The following ASTN1 variants were observed in gnomAD, a reference collection of about 807,000 sequenced individuals.
ASTN1 encodes astrotactin 1.
A neutral mutation model predicts 140.7 loss-of-function variants in ASTN1; 41 were observed. That is an observed-to-expected ratio of 0.29 (90% CI 0.23 to 0.38). ASTN1 has a LOEUF of 0.38. ASTN1 is among the 10% of genes least tolerant of loss of function. The pLI is 1.00. For missense variants in ASTN1, 1,479 were observed against 1,678.8 expected, an observed-to-expected ratio of 0.88 and a Z score of 2.08; for synonymous variants, 640 against 652.2, an observed-to-expected ratio of 0.98 and a Z score of 0.29.
intron 1 of ASTN1, among the ~76,000 whole-genome samples, chr1:177,102,599 A>T (rs1228545324): frequency 1.3e-5 from 2 of 152,232 alleles, no homozygotes; most frequent in Admixed American, 6.5e-5. Flanking sequence ...AAAACAAAGT[A>T]AAATTAAAAA....
chr1:176,994,487 G>A (rs1674346436), intron 8 of ASTN1, among the ~76,000 whole-genome samples: 1 of 152,058 alleles, frequency 6.6e-6, no homozygotes, highest in South Asian at 2.1e-4. Flanking sequence ...GGAACTACAG[G>A]CTTGTGCCAC....
chr1:177,112,395 A>T (rs765612617), intron 1 of ASTN1, among the ~76,000 whole-genome samples: 9 of 152,130 alleles, frequency 5.9e-5, no homozygotes, highest in Non-Finnish European at 1.2e-4. Flanking sequence ...TTCTCTGAGC[A>T]CCTGGTGGAG....
chr1:176,878,869 G>A (rs111431179), intron 20 of ASTN1, among the ~76,000 whole-genome samples: 1 of 152,188 alleles, frequency 6.6e-6, no homozygotes, highest in Non-Finnish European at 1.5e-5. Context: ...GATTAACAAT[G>A]TCATACAAAC....
At chr1:177,151,312 C>G (rs901086496) in intron 1 of ASTN1, among the ~76,000 whole-genome samples, 2 of 151,940 alleles carry the variant, frequency 1.3e-5, no homozygotes, top group Non-Finnish European at 2.9e-5. Flanking sequence ...CACATGACTA[C>G]CCAGATAAGA....
At chr1:177,019,836 G>T (rs532181099) in intron 7 of ASTN1, among the ~76,000 whole-genome samples, 1 of 152,282 alleles carries the variant, frequency 6.6e-6, no homozygotes, top group Admixed American at 6.5e-5. Flanking sequence ...GATATAAAGA[G>T]GGAGCAAAAC....
chr1:176,953,549 T>C lies in ASTN1; in HGVS notation c.1887+4129A>G, dbSNP rs1042685728. Among the ~76,000 whole-genome samples the C allele has an allele frequency of 2.0e-5, 3 of 152,346 alleles. No individual in the cohort carries two copies. The South Asian group carries it at 6.2e-4, about 32-fold the overall frequency. On this transcript the variant is annotated intron_variant, in intron 11 of 22. Transcript: ENST00000361833. ...TGGAGTCAAATTTATATTTCAGCAG[T>C]GATAGCTTCCTGCCTCCATTTCTCT...
At chr1:177,144,257 T>TA (rs1345513347) in intron 1 of ASTN1, among the ~76,000 whole-genome samples, 3 of 151,692 alleles carry the variant, frequency 2.0e-5, no homozygotes, top group Non-Finnish European at 4.4e-5. Context: ...TCAATGATTT[T>TA]TTTTTTTTTT....
At chr1:177,026,911 T>C (rs1414385724) in intron 5 of ASTN1, among the ~76,000 whole-genome samples, 3 of 152,160 alleles carry the variant, frequency 2.0e-5, no homozygotes, top group African/African-American at 7.2e-5. Context: ...GGATCCTTCA[T>C]GGAGCAGAGC....
At chr1:177,159,675 A>G (rs1348844872) in intron 1 of ASTN1, among the ~76,000 whole-genome samples, 1 of 152,250 alleles carries the variant, frequency 6.6e-6, no homozygotes, top group African/African-American at 2.4e-5. Flanking sequence ...TTGGACAAGT[A>G]GCTAAAACCA....
intron 1 of ASTN1, among the ~76,000 whole-genome samples, chr1:177,157,640 G>T (rs552427074): frequency 6.6e-6 from 1 of 151,682 alleles, no homozygotes; most frequent in Non-Finnish European, 1.5e-5. Context: ...AAATTAATTT[G>T]TATTTTTTTT....
chr1:177,075,278 TG>T (rs1421267094), intron 1 of ASTN1, among the ~76,000 whole-genome samples: 1 of 152,108 alleles, frequency 6.6e-6, no homozygotes, highest in Non-Finnish European at 1.5e-5. Context: ...TTCACCATGT[TG>T]GTCAGGCTGG....
chr1:177,051,133 C>A (rs1677520868), intron 2 of ASTN1, among the ~76,000 whole-genome samples: 2 of 152,248 alleles, frequency 1.3e-5, no homozygotes, highest in Admixed American at 1.3e-4. Context: ...TCTTGAATTT[C>A]TAGCAAGAAC....
At chr1:177,096,059 A>T (rs942127660) in intron 1 of ASTN1, among the ~76,000 whole-genome samples, 2 of 152,190 alleles carry the variant, frequency 1.3e-5, no homozygotes, top group Non-Finnish European at 2.9e-5. Flanking sequence ...CTTGCTCAGG[A>T]CTTGTCACTA....
chr1:177,031,261 T>A (rs1676427381), intron 3 of ASTN1, among the ~76,000 whole-genome samples: 2 of 152,238 alleles, frequency 1.3e-5, no homozygotes, highest in Non-Finnish European at 2.9e-5. Context: ...AAATACAGAC[T>A]GCAGATTTCT....
intron 2 of ASTN1, among the ~76,000 whole-genome samples, 198 bp downstream of exon 2, chr1:177,060,880 G>A (rs996005712): frequency 2.0e-5 from 3 of 152,124 alleles, no homozygotes; most frequent in Admixed American, 2.0e-4. Flanking sequence ...GTTGGGGAAT[G>A]GTACTGTTAG....
intron 1 of ASTN1, among the ~76,000 whole-genome samples, chr1:177,135,454 G>T (rs1682147799): frequency 6.6e-6 from 1 of 151,904 alleles, no homozygotes. Flanking sequence ...GTGACCATGG[G>T]CATCCAAATG....
Position 176,863,101 on chromosome 1 carries a change from C to T in ASTN1, c.*1183G>A. 5.1e-6 allele frequency: 5 copies of T among 985,736 alleles called. No homozygotes were observed. The highest frequency in any genetic ancestry group is 6.0e-6 in the Non-Finnish European group (5 of 829,886). The allele number at this position is 985,736 out of a possible 1,614,324, so 61.1% of individuals were successfully genotyped here. A position where few individuals can be genotyped will look rare whatever the true frequency, so the allele number is the denominator to read the frequency against. On this transcript the variant is annotated 3_prime_UTR_variant, in exon 23 of 23. Coordinates refer to ENST00000361833, the MANE Select transcript of ASTN1 (RefSeq NM_004319.3). The stretch of plus-strand genomic sequence containing the variant: ...CTTGGGCAGTGGGATGGAAACAACA[C>T]TCTAGATGTTAACTGCAATCAGTGG...
chr1:177,080,095 A>G (rs1679104048), intron 1 of ASTN1, among the ~76,000 whole-genome samples: 1 of 152,094 alleles, frequency 6.6e-6, no homozygotes, highest in African/African-American at 2.4e-5. Context: ...TATGTGTTTA[A>G]TGCTTAAGCA....
intron 16 of ASTN1, among the ~76,000 whole-genome samples, chr1:176,932,431 G>A (rs137923141): frequency 2.6e-5 from 4 of 152,144 alleles, no homozygotes; most frequent in African/African-American, 9.7e-5. Flanking sequence ...AAAGGAAATT[G>A]ATAACTAAGG....
Sources: allele counts gnomAD v4.1 joint callset (sites outside exome capture counted in the v4.1 genomes callset), GRCh38; gene constraint gnomAD v4.1.1; transcripts MANE v1.5; gene names NCBI Gene and HGNC (gene_info 2026-07-23, HGNC 2026-07-21).